Variants in DIAPH3 observed in about 807,000 individuals in gnomAD.
The protein encoded by DIAPH3 is diaphanous related formin 3, also known as protein diaphanous homolog 3.
A neutral mutation model predicts 144.3 loss-of-function variants in DIAPH3; 117 were observed. The ratio of observed to expected loss-of-function variants is 0.81; its 90% CI spans 0.70 to 0.95. DIAPH3 has a LOEUF of 0.95. Ranked by LOEUF, DIAPH3 falls within the 40% of genes least tolerant of loss-of-function variation. The pLI is 0.00. For missense variants in DIAPH3, 1,421 were observed against 1,412.7 expected, an observed-to-expected ratio of 1.01 and a Z score of -0.09; for synonymous variants, 519 against 488.9, an observed-to-expected ratio of 1.06 and a Z score of -0.81.
At chr13:60,099,782 G>A (rs1334186784) in intron 3 of DIAPH3, among the ~76,000 whole-genome samples, 5 of 151,970 alleles carry the variant, frequency 3.3e-5, no homozygotes, top group Admixed American at 3.3e-4. Context: ...CTAGCACTAG[G>A]AACAGATTTC....
intron 20 of DIAPH3, 144 bp from the exon 21 acceptor site, chr13:59,879,612 G>C: frequency 8.4e-7 from 1 of 1,190,052 alleles, no homozygotes; most frequent in Non-Finnish European, 1.2e-6. Context: ...CAGGAAGAGA[G>C]AAAAGCCCTG....
In DIAPH3 at chr13:60,029,552, C is replaced by A. The variant is rs188663108; in HGVS notation, c.626+13138G>T. The stretch of plus-strand genomic sequence containing the variant: ...GAAAGTGAGTGAGTTCTCACAAGAT[C>A]TGATGGCTTTATAAGGGGAATTTGG... On this transcript the variant is annotated intron_variant, in intron 5 of 27. Transcript: ENST00000400324. Among the ~76,000 whole-genome samples, 39 of 152,300 alleles carry A rather than the reference C, an allele frequency of 2.6e-4. 1 individual carries two copies. Among genetic ancestry groups the A allele is most frequent in the Middle Eastern group, 3.4e-3 (1 of 294 alleles).
chr13:59,915,174 T>A (rs2047168329), intron 19 of DIAPH3, among the ~76,000 whole-genome samples: 1 of 151,802 alleles, frequency 6.6e-6, no homozygotes, highest in Non-Finnish European at 1.5e-5. Flanking sequence ...ACACATATAA[T>A]CAACATGAAC....
At position 59,666,457 on chromosome 13, in the gene DIAPH3, T is replaced by A; in HGVS notation, c.*127A>T. The A allele has an allele frequency of 3.5e-6, 4 of 1,134,392 alleles. No individual in the cohort carries two copies. The highest frequency in any genetic ancestry group is 3.7e-6 in the Non-Finnish European group (3 of 814,958). The allele number at this position is 1,134,392 out of a possible 1,614,324, so 70.3% of individuals were successfully genotyped here. ...TTGCAATCATATATTTAGCTTTATT[T>A]TTCTAATATATATCATAATTTAAAA... On this transcript the variant is annotated 3_prime_UTR_variant, in exon 28 of 28. Transcript: ENST00000400324.
chr13:59,907,581 T>C (rs559361897), intron 20 of DIAPH3, among the ~76,000 whole-genome samples: 9 of 152,312 alleles, frequency 5.9e-5, no homozygotes, highest in Non-Finnish European at 1.0e-4. Context: ...TCAATCCTAA[T>C]AGGTACAAGC....
intron 27 of DIAPH3, among the ~76,000 whole-genome samples, chr13:59,730,879 A>G (rs1428884897): frequency 6.6e-6 from 1 of 152,160 alleles, no homozygotes; most frequent in Non-Finnish European, 1.5e-5. Context: ...GCTCAATAAA[A>G]ATGAGATGGT....
At chr13:59,986,646 C>G (rs2051403053) in intron 12 of DIAPH3, among the ~76,000 whole-genome samples, 1 of 126,444 alleles carries the variant, frequency 7.9e-6, no homozygotes, top group African/African-American at 3.0e-5. Flanking sequence ...CAAACAACCC[C>G]ATCAAAAAGT....
chr13:59,820,127 G>GA (rs2040983710), intron 24 of DIAPH3, among the ~76,000 whole-genome samples: 1 of 151,856 alleles, frequency 6.6e-6, no homozygotes, highest in Admixed American at 6.6e-5. Flanking sequence ...AACAATTCAA[G>GA]AAAAAAACAT....
At chr13:59,785,059 G>C (rs1413625705) in intron 25 of DIAPH3, among the ~76,000 whole-genome samples, 1 of 152,190 alleles carries the variant, frequency 6.6e-6, no homozygotes, top group Non-Finnish European at 1.5e-5. Context: ...CTTTGAACTT[G>C]TCTTAATCCA....
At chr13:59,817,971 A>G (rs1356959433) in intron 24 of DIAPH3, among the ~76,000 whole-genome samples, 1 of 151,964 alleles carries the variant, frequency 6.6e-6, no homozygotes, top group Non-Finnish European at 1.5e-5. Flanking sequence ...ATTTGTTTTC[A>G]TAGTACCTAT....
At chr13:59,710,161 G>A (rs1228623946) in intron 27 of DIAPH3, among the ~76,000 whole-genome samples, 6 of 151,434 alleles carry the variant, frequency 4.0e-5, no homozygotes, top group Non-Finnish European at 5.9e-5. Context: ...CGAGTTAGTG[G>A]GTGCAGCGCA....
At chr13:59,924,684 G>A in intron 18 of DIAPH3, 91 bp downstream of exon 18, 1 of 1,499,206 alleles carries the variant, frequency 6.7e-7, no homozygotes, top group Admixed American at 2.1e-5. Context: ...AATGAAAATA[G>A]CAAATAATGA....
rs569721909 is a variant in DIAPH3 at position 59,669,609 on chromosome 13, T to C, written c.3320-2763A>G. 5.9e-5 allele frequency among the ~76,000 whole-genome samples: 9 copies of C among 152,236 alleles called. No homozygotes were observed. In the East Asian group the frequency reaches 1.7e-3, roughly 30 times the overall value. On this transcript the variant is annotated intron_variant, in intron 27 of 27. Transcript: ENST00000400324. Reference sequence around the variant, plus strand: ...CTTGGATGTGACTTTTGCTTGTCTATTCAAGGACATCCCTCTGGCTGCTTT... The same window carrying C: ...CTTGGATGTGACTTTTGCTTGTCTACTCAAGGACATCCCTCTGGCTGCTTT...
chr13:60,160,087 T>A (rs569818180), intron 1 of DIAPH3, among the ~76,000 whole-genome samples: 1 of 152,148 alleles, frequency 6.6e-6, no homozygotes, highest in South Asian at 2.1e-4. Flanking sequence ...AGCCGGGCGT[T>A]GCGGTGGGCA....
chr13:59,898,152 A>G (rs965185530), intron 20 of DIAPH3, among the ~76,000 whole-genome samples: 20 of 150,268 alleles, frequency 1.3e-4, no homozygotes, highest in South Asian at 4.3e-4. Context: ...AAAAAAAAAA[A>G]AAAAGAAAAA....
At chr13:59,714,802 G>T (rs1481043223) in intron 27 of DIAPH3, among the ~76,000 whole-genome samples, 1 of 152,052 alleles carries the variant, frequency 6.6e-6, no homozygotes, top group African/African-American at 2.4e-5. Flanking sequence ...GGGCCCTGAG[G>T]GAGCTGGCTG....
At position 60,104,547 on chromosome 13, in the gene DIAPH3, A is replaced by T. The variant is rs1472771279; in HGVS notation, c.390+7463T>A. 2.0e-5 allele frequency among the ~76,000 whole-genome samples: 3 copies of T among 148,078 alleles called. No homozygotes were observed. In the East Asian group the frequency reaches 5.9e-4, roughly 29 times the overall value. On this transcript the variant is annotated intron_variant, in intron 3 of 27. Coordinates refer to ENST00000400324, the MANE Select transcript of DIAPH3 (RefSeq NM_001042517.2). ...TTAATTGAAAAACAAATTTCAGTTT[A>T]TCCTAATGCAGTATCAAGGCACACA...
At chr13:59,708,889 T>C (rs1057253906) in intron 27 of DIAPH3, among the ~76,000 whole-genome samples, 3 of 152,128 alleles carry the variant, frequency 2.0e-5, no homozygotes, top group African/African-American at 7.2e-5. Flanking sequence ...AAAGACCTTA[T>C]AGACTAAAAA....
intron 2 of DIAPH3, among the ~76,000 whole-genome samples, chr13:60,112,917 A>G (rs2058608030): frequency 6.6e-6 from 1 of 152,226 alleles, no homozygotes; most frequent in African/African-American, 2.4e-5. Flanking sequence ...TTCACAAGTT[A>G]TATTGCTCAC....
Sources: gnomAD v4.1 joint callset for allele counts (sites outside exome capture counted in the v4.1 genomes callset) on GRCh38, gnomAD v4.1.1 for gene constraint, MANE v1.5 for transcripts, NCBI Gene and HGNC (gene_info 2026-07-23, HGNC 2026-07-21) for gene names.